HDHD2: variants seen among roughly 807,000 people sequenced by gnomAD.
HDHD2 encodes the protein haloacid dehalogenase like hydrolase domain containing 2, also known as haloacid dehalogenase-like hydrolase domain-containing protein 2.
A neutral mutation model predicts 24.8 loss-of-function variants in HDHD2; 26 were observed. That is an observed-to-expected ratio of 1.05 (90% CI 0.77 to 1.45). The LOEUF is 1.45. Among genes scored for constraint, HDHD2 ranks in the 40% most tolerant of loss-of-function variants. The pLI is 0.00. For missense variants in HDHD2, 299 were observed against 313.4 expected (o/e 0.95, Z 0.35); for synonymous variants, 128 against 114.9 (o/e 1.11, Z -0.73).
chr18:47,136,684 G>A (rs1178496619), intron 1 of HDHD2, among the ~76,000 whole-genome samples: 2 of 151,174 alleles, frequency 1.3e-5, no homozygotes, highest in Non-Finnish European at 2.9e-5. Context: ...AAAACTATAG[G>A]AAGCAAAACG....
intron 2 of HDHD2, 79 bp from the exon 3 acceptor site, chr18:47,134,783 G>C (rs1485865639): frequency 1.7e-6 from 2 of 1,163,032 alleles, no homozygotes; most frequent in Middle Eastern, 2.0e-4. Flanking sequence ...TGTTAAAACT[G>C]TGCCAAATGT....
At position 47,130,425 on chromosome 18, in the gene HDHD2, C is replaced by A. The variant is rs112348263; in HGVS notation, c.311-97G>T. 1,674 of 760,542 alleles carry A rather than the reference C, an allele frequency of 2.2e-3. 17 individuals carry two copies. The African/African-American group carries it at 0.026, about 12-fold the overall frequency. 47.1% of individuals were successfully genotyped at this position (760,542 alleles called of 1,614,324 possible). A position where few individuals can be genotyped will look rare whatever the true frequency, so the allele number is the denominator to read the frequency against. ...TTAGTCAATCAAGTGCAAACTTTTG[C>A]TGTATCCATAATTTAAAATTTAATA... On this transcript the variant is annotated intron_variant, in intron 3 of 6. Transcript: ENST00000300605.
At chr18:47,146,229 CAAAA>C (rs61430354) in intron 1 of HDHD2, among the ~76,000 whole-genome samples, 2 of 58,940 alleles carry the variant, frequency 3.4e-5, no homozygotes, top group Non-Finnish European at 7.2e-5. Context: ...GAATGTGTCT[CAAAA>C]AAAAAAAAAA....
intron 4 of HDHD2, among the ~76,000 whole-genome samples, chr18:47,129,134 G>A (rs940658286): frequency 6.6e-6 from 1 of 151,976 alleles, no homozygotes; most frequent in Non-Finnish European, 1.5e-5. Flanking sequence ...AAATTATACT[G>A]TTTAATGGTT....
intron 4 of HDHD2, among the ~76,000 whole-genome samples, chr18:47,126,176 C>A (rs1239047608): frequency 1.3e-5 from 2 of 152,108 alleles, no homozygotes; most frequent in African/African-American, 2.4e-5. Context: ...AGCAGTCAAC[C>A]CTTTCAAAAA....
At chr18:47,146,854 T>C (rs2063875997) in intron 1 of HDHD2, among the ~76,000 whole-genome samples, 1 of 152,100 alleles carries the variant, frequency 6.6e-6, no homozygotes, top group South Asian at 2.1e-4. Flanking sequence ...GGGATAATGA[T>C]TACCCTCCAG....
chr18:47,143,835 C>G (rs371448726), intron 1 of HDHD2, among the ~76,000 whole-genome samples: 32 of 152,102 alleles, frequency 2.1e-4, no homozygotes, highest in Non-Finnish European at 4.3e-4. Context: ...AGAACATGTA[C>G]TAGCTCAGAA....
At chr18:47,131,131 C>G (rs1340317123) in intron 3 of HDHD2, among the ~76,000 whole-genome samples, 5 of 152,148 alleles carry the variant, frequency 3.3e-5, no homozygotes, top group Middle Eastern at 3.2e-3. Context: ...CATGTGCCAA[C>G]CACACCCGGC....
chr18:47,109,192 G>C (rs2063496277), intron 6 of HDHD2: 1 of 164,036 alleles, frequency 6.1e-6, no homozygotes, highest in African/African-American at 2.4e-5. Flanking sequence ...AAGGCAACTG[G>C]GAACAGGATG....
chr18:47,140,365 A>G (rs1050003425), intron 1 of HDHD2, among the ~76,000 whole-genome samples: 10 of 152,238 alleles, frequency 6.6e-5, no homozygotes, highest in Non-Finnish European at 8.8e-5. Context: ...AGTTTTATAA[A>G]TATCTACATA....
intron 1 of HDHD2, among the ~76,000 whole-genome samples, chr18:47,137,875 GA>G (rs752099727): frequency 1.3e-3 from 181 of 143,118 alleles, no homozygotes; most frequent in East Asian, 3.6e-3. Flanking sequence ...CTTCCTGTTG[GA>G]AAAAAAAAAA....
At chr18:47,137,186 C>G (rs1299687343) in intron 1 of HDHD2, 1 of 692,592 alleles carries the variant, frequency 1.4e-6, no homozygotes, top group Non-Finnish European at 2.7e-6. Flanking sequence ...GTCAATGAGG[C>G]AGATGAGATT....
At position 47,130,735 on chromosome 18, in the gene HDHD2, G is replaced by T. The variant is rs527452539; in HGVS notation, c.311-407C>A. Among the ~76,000 whole-genome samples the T allele has an allele frequency of 1.3e-4, 20 of 152,194 alleles. No individual in the cohort carries two copies. In the South Asian group the frequency reaches 3.3e-3, roughly 25 times the overall value. On this transcript the variant is annotated intron_variant, in intron 3 of 6. Coordinates refer to ENST00000300605, the MANE Select transcript of HDHD2 (RefSeq NM_032124.5). ...TATCAGATCGATAGCAACTGATGAGGGACTGAGAATCTAAGAGGCAAGGGA... is the reference window on the plus strand; with the variant it reads ...TATCAGATCGATAGCAACTGATGAGTGACTGAGAATCTAAGAGGCAAGGGA...
At chr18:47,119,898 T>A (rs569550823) in intron 4 of HDHD2, among the ~76,000 whole-genome samples, 1 of 152,226 alleles carries the variant, frequency 6.6e-6, no homozygotes, top group Non-Finnish European at 1.5e-5. Context: ...GAGAACAACA[T>A]TGATCTCCTG....
At chr18:47,113,318 C>T (rs894814329) in intron 5 of HDHD2, among the ~76,000 whole-genome samples, 40 of 152,312 alleles carry the variant, frequency 2.6e-4, no homozygotes, top group African/African-American at 9.6e-4. Context: ...ATTCTCTATG[C>T]TTTGCCACAC....
chr18:47,111,520 G>A (rs2063516207), intron 6 of HDHD2: 3 of 985,354 alleles, frequency 3.0e-6, no homozygotes, highest in South Asian at 4.7e-5. Flanking sequence ...AGGCTGACGA[G>A]TGTGGCTACT....
chr18:47,125,767 T>C (rs944119018), intron 4 of HDHD2, among the ~76,000 whole-genome samples: 1 of 152,208 alleles, frequency 6.6e-6, no homozygotes, highest in Non-Finnish European at 1.5e-5. Context: ...CCAAGGATGC[T>C]GAAAATGTTC....
rs1004011223 is a variant in HDHD2, at chr18:47,133,130, C to T, written c.310+1366G>A. ...CATTTACATTAGGTATATCTCCTAACGCTATCCCTCCCCACTCCCCCCACC... is the reference window on the plus strand; with the variant it reads ...CATTTACATTAGGTATATCTCCTAATGCTATCCCTCCCCACTCCCCCCACC... On this transcript the variant is annotated intron_variant, in intron 3 of 6. Coordinates refer to ENST00000300605, the MANE Select transcript of HDHD2 (RefSeq NM_032124.5). Among the ~76,000 whole-genome samples, 653 of 151,022 alleles carry T rather than the reference C, an allele frequency of 4.3e-3. 5 individuals carry two copies. The highest frequency in any genetic ancestry group is 0.015 in the African/African-American group (599 of 40,508).
At chr18:47,113,118 G>C (rs1167288264) in intron 5 of HDHD2, 78 bp from the exon 6 acceptor site, 4 of 1,197,660 alleles carry the variant, frequency 3.3e-6, no homozygotes, top group Non-Finnish European at 5.0e-6. Flanking sequence ...TGATTTATTA[G>C]GCTAGGGTGT....
Sources: gnomAD v4.1 joint callset for allele counts (sites outside exome capture counted in the v4.1 genomes callset) on GRCh38, gnomAD v4.1.1 for gene constraint, MANE v1.5 for transcripts, NCBI Gene and HGNC (gene_info 2026-07-23, HGNC 2026-07-21) for gene names.